Variants in FSTL4 observed in about 807,000 individuals in gnomAD.
FSTL4 encodes the protein follistatin-related protein 4.
A neutral mutation model predicts 78.2 loss-of-function variants in FSTL4; 28 were observed. The ratio of observed to expected loss-of-function variants is 0.36; its 90% CI spans 0.27 to 0.49. The LOEUF (loss-of-function observed/expected upper bound fraction) is 0.49. Ranked by LOEUF, FSTL4 falls within the 20% of genes least tolerant of loss-of-function variation. The pLI, the probability that FSTL4 is intolerant of heterozygous loss-of-function variation, is 0.98. For synonymous variants in FSTL4, 422 were observed against 440.5 expected (o/e 0.96, Z 0.53); for missense variants, 922 against 1,084.9 (o/e 0.85, Z 2.11).
intron 3 of FSTL4, among the ~76,000 whole-genome samples, chr5:133,515,689 A>T (rs490743): frequency 0.51 from 64,297 of 126,120 alleles, 15,144 homozygotes; most frequent in East Asian, 0.71. Context: ...TTTTTTTTTT[A>T]AAAAAAAGCA....
At chr5:133,457,871 T>A (rs1463260812) in intron 3 of FSTL4, 1 of 152,208 alleles carries the variant, frequency 6.6e-6, no homozygotes, top group Non-Finnish European at 1.5e-5. Flanking sequence ...GGTCTCTGCA[T>A]GTAAATGAGG....
chr5:133,551,024 G>A (rs991258808), intron 3 of FSTL4, among the ~76,000 whole-genome samples: 4 of 152,166 alleles, frequency 2.6e-5, no homozygotes, highest in African/African-American at 9.7e-5. Context: ...AGGGAGGTTA[G>A]AGTTTCCATG....
intron 4 of FSTL4, among the ~76,000 whole-genome samples, chr5:133,347,886 C>G (rs992204410): frequency 6.6e-6 from 1 of 152,016 alleles, no homozygotes; most frequent in African/African-American, 2.4e-5. Flanking sequence ...GGAAACAGAC[C>G]CAAAAAGTGT....
chr5:133,657,759 G>C, the FSTL4 span, among the ~76,000 whole-genome samples: 1 of 111,776 alleles, frequency 8.9e-6, no homozygotes, highest in Admixed American at 9.3e-5. Context: ...CTAGCTTACT[G>C]TTTTTTGTTT....
At chr5:133,725,523 C>A in the FSTL4 span, among the ~76,000 whole-genome samples, 3 of 152,160 alleles carry the variant, frequency 2.0e-5, no homozygotes, top group Admixed American at 6.5e-5. Context: ...ATGGTAGAGA[C>A]AATCAACCTT....
chr5:133,771,678 T>C, the FSTL4 span, among the ~76,000 whole-genome samples: 2 of 152,112 alleles, frequency 1.3e-5, no homozygotes, highest in Non-Finnish European at 2.9e-5. Context: ...ATATCATCAA[T>C]GAACAGGGAT....
At chr5:133,471,414 G>A (rs1757824629) in intron 3 of FSTL4, among the ~76,000 whole-genome samples, 1 of 152,134 alleles carries the variant, frequency 6.6e-6, no homozygotes, top group Admixed American at 6.5e-5. Context: ...CCAAGGTGAT[G>A]GTATTAGGAT....
chr5:133,429,155 C>T lies in FSTL4; in HGVS notation c.161-28169G>A, dbSNP rs946663344. On this transcript the variant is annotated intron_variant, in intron 3 of 15. Coordinates refer to ENST00000265342, the MANE Select transcript of FSTL4 (RefSeq NM_015082.2). ...GATGTGGTTAAACTGATTTGCCCCT[C>T]GTTGGCTCACATCAGCAGAAATCTG... Among the ~76,000 whole-genome samples, 7 of 152,286 alleles carry T rather than the reference C, an allele frequency of 4.6e-5. No homozygotes were observed. The East Asian group carries it at 5.8e-4, about 13-fold the overall frequency.
At chr5:133,603,690 T>A (rs944173119) in intron 2 of FSTL4, among the ~76,000 whole-genome samples, 168 bp downstream of exon 2, 1 of 152,198 alleles carries the variant, frequency 6.6e-6, no homozygotes, top group Non-Finnish European at 1.5e-5. Context: ...CAACCTCTTG[T>A]CTGTATCCAC....
chr5:133,648,098 A>G, the FSTL4 span, among the ~76,000 whole-genome samples: 1 of 152,146 alleles, frequency 6.6e-6, no homozygotes, highest in Non-Finnish European at 1.5e-5. Context: ...AACCATGTAG[A>G]ACTGTAAGTC....
rs1443490654 is a variant in FSTL4, at chr5:133,440,134, G to A, written c.161-39148C>T. On this transcript the variant is annotated intron_variant, in intron 3 of 15. Coordinates refer to ENST00000265342, the MANE Select transcript of FSTL4 (RefSeq NM_015082.2). The surrounding 1 kb of genome is among the most constrained non-coding windows in gnomAD (Gnocchi z 4.1). Reference sequence around the variant, plus strand: ...TGTGGAAGAATGGCAGGTCCAGCTGGGCGAGTAGTACAGGAGAGAGCTCTG... The same window carrying A: ...TGTGGAAGAATGGCAGGTCCAGCTGAGCGAGTAGTACAGGAGAGAGCTCTG... Among the ~76,000 whole-genome samples the A allele has an allele frequency of 6.6e-6, 1 of 152,130 alleles. No individual in the cohort carries two copies. The highest frequency in any genetic ancestry group is 6.5e-5 in the Admixed American group (1 of 15,278).
chr5:133,752,630 AAATT>A, the FSTL4 span, among the ~76,000 whole-genome samples: 1 of 151,696 alleles, frequency 6.6e-6, no homozygotes, highest in African/African-American at 2.4e-5. Context: ...AAATAAAATT[AAATT>A]AAATTAAATT....
upstream of FSTL4, among the ~76,000 whole-genome samples, chr5:133,616,113 G>T (rs1561488068): frequency 1.3e-5 from 2 of 152,242 alleles, no homozygotes; most frequent in South Asian, 4.2e-4. Context: ...GGATAATTGG[G>T]GATGAGATGG....
At chr5:133,481,788 T>C (rs1227190847) in intron 3 of FSTL4, among the ~76,000 whole-genome samples, 3 of 152,266 alleles carry the variant, frequency 2.0e-5, no homozygotes, top group East Asian at 1.9e-4. Context: ...AATTGACCAA[T>C]TGACCTGTCA....
intron 3 of FSTL4, among the ~76,000 whole-genome samples, chr5:133,505,134 T>C (rs1758586355): frequency 6.6e-6 from 1 of 152,218 alleles, no homozygotes; most frequent in Admixed American, 6.5e-5. Flanking sequence ...GAGAATAGGC[T>C]GGATATAAAT....
rs1033340085 is a variant in FSTL4, at chr5:133,338,438, C to T, written c.410-21786G>A. On this transcript the variant is annotated intron_variant, in intron 4 of 15. Coordinates refer to ENST00000265342, the MANE Select transcript of FSTL4 (RefSeq NM_015082.2). The surrounding 1 kb of genome is among the most constrained non-coding windows in gnomAD (Gnocchi z 4.0). ...GAGAGTATTTGGCTGCTTCTCCTGC[C>T]CCATGCTTTTCTAGGTTCCCAGAAG... 5.3e-5 allele frequency among the ~76,000 whole-genome samples: 8 copies of T among 152,082 alleles called. No homozygotes were observed. Among genetic ancestry groups the T allele is most frequent in the Middle Eastern group, 6.3e-3 (2 of 316 alleles).
At chr5:133,465,883 T>C (rs545677208) in intron 3 of FSTL4, among the ~76,000 whole-genome samples, 1 of 152,362 alleles carries the variant, frequency 6.6e-6, no homozygotes, top group East Asian at 1.9e-4. Flanking sequence ...ATTTTATCGA[T>C]GGTTGAAGGC....
intron 3 of FSTL4, chr5:133,458,260 T>A (rs1330781662): frequency 6.6e-6 from 1 of 152,240 alleles, no homozygotes; most frequent in East Asian, 1.9e-4. Context: ...ACCATCTGTG[T>A]TTCATTTCTT....
chr5:133,556,075 C>T (rs1759780569), intron 3 of FSTL4, among the ~76,000 whole-genome samples: 1 of 152,126 alleles, frequency 6.6e-6, no homozygotes, highest in Non-Finnish European at 1.5e-5. Flanking sequence ...CCCAGGACCT[C>T]TGACTCTGCA....
Sources: allele counts gnomAD v4.1 joint callset (sites outside exome capture counted in the v4.1 genomes callset), GRCh38; gene constraint gnomAD v4.1.1; non-coding constraint Gnocchi (gnomAD v3.1); transcripts MANE v1.5; gene names NCBI Gene and HGNC (gene_info 2026-07-23, HGNC 2026-07-21).